Variants in CNTN3 observed in about 807,000 individuals in gnomAD.
CNTN3 encodes the protein contactin 3, also known as contactin-3.
A neutral mutation model predicts 119.1 loss-of-function variants in CNTN3; 60 were observed. The observed-to-expected ratio is 0.50, with a 90% confidence interval of 0.41 to 0.62. CNTN3 has a LOEUF of 0.62. Among genes scored for constraint, CNTN3 ranks in the 20% least tolerant of loss-of-function variants. CNTN3 has a pLI of 0.00. For synonymous variants in CNTN3, 450 were observed against 438.7 expected (o/e 1.03, Z -0.32); for missense variants, 1,101 against 1,242.4 (o/e 0.89, Z 1.71).
chr3:74,329,868 A>G (rs1703218634), intron 13 of CNTN3, among the ~76,000 whole-genome samples: 1 of 152,240 alleles, frequency 6.6e-6, no homozygotes, highest in African/African-American at 2.4e-5. Context: ...TATGTGAAAT[A>G]GTGTACACAT....
At chr3:74,496,141 A>G (rs1009890957) in intron 3 of CNTN3, among the ~76,000 whole-genome samples, 3 of 152,096 alleles carry the variant, frequency 2.0e-5, no homozygotes, top group Non-Finnish European at 2.9e-5. Flanking sequence ...ACTGGCTACC[A>G]TATTGGACAG....
intron 1 of CNTN3, among the ~76,000 whole-genome samples, chr3:74,550,994 G>C (rs1032400539): frequency 5.3e-5 from 8 of 152,166 alleles, no homozygotes; most frequent in Admixed American, 3.3e-4. Context: ...CCAATGTCGA[G>C]TCCCCAATAC....
intron 11 of CNTN3, among the ~76,000 whole-genome samples, chr3:74,341,227 T>G (rs1477788261): frequency 6.6e-6 from 1 of 152,202 alleles, no homozygotes; most frequent in Non-Finnish European, 1.5e-5. Context: ...ATAAACAATA[T>G]TCAGTAAATG....
chr3:74,305,799 T>A (rs1702551526), intron 13 of CNTN3, among the ~76,000 whole-genome samples: 1 of 151,282 alleles, frequency 6.6e-6, no homozygotes, highest in South Asian at 2.1e-4. Context: ...GTGCTCATTT[T>A]GTGAAAATGA....
At chr3:74,346,733 ACATCCATCCATC>A (rs61572054) in intron 11 of CNTN3, among the ~76,000 whole-genome samples, 6,702 of 144,436 alleles carry the variant, frequency 0.046, 441 homozygotes, top group African/African-American at 0.15. Context: ...ATCTCATTTG[ACATCCATCCATC>A]CATCCATCCA....
At chr3:74,389,114 T>A (rs1452522791) in intron 5 of CNTN3, among the ~76,000 whole-genome samples, 1 of 152,230 alleles carries the variant, frequency 6.6e-6, no homozygotes, top group Non-Finnish European at 1.5e-5. Context: ...AAACTACTGA[T>A]CTTTATCTCT....
Position 74,266,500 on chromosome 3 carries a change from G to C in CNTN3, c.2967C>G (p.Ile989Met), listed in dbSNP as rs745766455. ...ACTTACTGGTTATTCGTGGAATCCTGATCTGTTCACTACTGGTCCCATCCC... is the reference window on the plus strand; with the variant it reads ...ACTTACTGGTTATTCGTGGAATCCTCATCTGTTCACTACTGGTCCCATCCC... ...DGGDGTSSEQ[I>M]RIPRITSMDA... The change falls in exon 22 of 23, where the codon ATC (isoleucine) becomes ATG (methionine). Residue 989 changes from isoleucine (I) to methionine (M), a missense_variant. Physicochemically the swap from Ile to Met is conservative, Grantham distance 10. Coordinates refer to ENST00000263665, the MANE Select transcript of CNTN3 (RefSeq NM_020872.3). 1 of 1,613,162 alleles carries C rather than the reference G, an allele frequency of 6.2e-7. No individual in the cohort carries two copies. Among genetic ancestry groups the C allele is most frequent in the Non-Finnish European group, 8.5e-7 (1 of 1,179,438 alleles).
chr3:74,509,824 G>A (rs1379791787), intron 2 of CNTN3, among the ~76,000 whole-genome samples: 16 of 151,948 alleles, frequency 1.1e-4, no homozygotes, highest in Admixed American at 1.1e-3. Flanking sequence ...CTCCCTTGTA[G>A]TAATCGTTCC....
intron 13 of CNTN3, among the ~76,000 whole-genome samples, chr3:74,321,196 A>G (rs1702979578): frequency 1.3e-5 from 2 of 152,200 alleles, no homozygotes; most frequent in Admixed American, 1.3e-4. Context: ...TACCTGGGTG[A>G]TGGATTCAAA....
At chr3:74,438,824 G>C (rs1701913976) in intron 4 of CNTN3, among the ~76,000 whole-genome samples, 1 of 152,072 alleles carries the variant, frequency 6.6e-6, no homozygotes, top group Non-Finnish European at 1.5e-5. Context: ...ACATAAGATG[G>C]TACAAGTTGA....
intron 1 of CNTN3, among the ~76,000 whole-genome samples, chr3:74,583,437 G>A (rs1323095220): frequency 6.6e-6 from 1 of 151,824 alleles, no homozygotes; most frequent in Non-Finnish European, 1.5e-5. Flanking sequence ...CTGAAAAATA[G>A]GATGCTCAGC....
rs113408928 is a variant in CNTN3, at chr3:74,342,328, T to C, written c.1365-5670A>G. On this transcript the variant is annotated intron_variant, in intron 11 of 22. Coordinates refer to ENST00000263665, the MANE Select transcript of CNTN3 (RefSeq NM_020872.3). ...CAAACAGTATTTAGGAAAATAGTATTAGCGTTTTTATTCTTCTACCTATCC... is the reference window on the plus strand; with the variant it reads ...CAAACAGTATTTAGGAAAATAGTATCAGCGTTTTTATTCTTCTACCTATCC... Among the ~76,000 whole-genome samples, 401 of 152,260 alleles carry C rather than the reference T, an allele frequency of 2.6e-3. 1 individual carries two copies. Among genetic ancestry groups the C allele is most frequent in the African/African-American group, 8.9e-3 (371 of 41,568 alleles).
At chr3:74,437,336 C>A (rs1701884803) in intron 4 of CNTN3, among the ~76,000 whole-genome samples, 2 of 152,016 alleles carry the variant, frequency 1.3e-5, no homozygotes, top group Non-Finnish European at 2.9e-5. Flanking sequence ...GTGGCGGACA[C>A]CTGTAGTCCC....
intron 1 of CNTN3, among the ~76,000 whole-genome samples, chr3:74,538,011 G>T (rs1370817730): frequency 1.3e-5 from 2 of 152,068 alleles, no homozygotes; most frequent in Non-Finnish European, 2.9e-5. Context: ...TCTAAGTCTT[G>T]CTCATCACAC....
At chr3:74,267,170 CA>C in intron 21 of CNTN3, 95 bp downstream of exon 21, 1 of 684,460 alleles carries the variant, frequency 1.5e-6, no homozygotes, top group Non-Finnish European at 2.6e-6. Context: ...TTACAGAAAC[CA>C]TATCAATATA....
chr3:74,542,186 T>C (rs1030444057), intron 1 of CNTN3, among the ~76,000 whole-genome samples: 2 of 152,132 alleles, frequency 1.3e-5, no homozygotes, highest in African/African-American at 2.4e-5. Flanking sequence ...AGTGAGCTCA[T>C]TGCACCACTG....
intron 4 of CNTN3, among the ~76,000 whole-genome samples, chr3:74,479,200 A>G (rs1702715078): frequency 6.6e-6 from 1 of 152,090 alleles, no homozygotes; most frequent in Non-Finnish European, 1.5e-5. Context: ...AAAATCTCCC[A>G]TAATTAAAGG....
chr3:74,555,404 G>T (rs1041953791), intron 1 of CNTN3, among the ~76,000 whole-genome samples: 10 of 152,150 alleles, frequency 6.6e-5, no homozygotes, highest in Non-Finnish European at 1.3e-4. Context: ...TCAGGCTTTG[G>T]TATCAGGATG....
chr3:74,359,973 A>G (rs1172671637), intron 11 of CNTN3, among the ~76,000 whole-genome samples: 2 of 152,210 alleles, frequency 1.3e-5, no homozygotes, highest in East Asian at 3.8e-4. Flanking sequence ...CAAATCACTA[A>G]TTAACCTCCT....
Sources: gnomAD v4.1 joint callset for allele counts (sites outside exome capture counted in the v4.1 genomes callset) on GRCh38, gnomAD v4.1.1 for gene constraint, MANE v1.5 for transcripts, NCBI Gene and HGNC (gene_info 2026-07-23, HGNC 2026-07-21) for gene names.